RASAL2: variants seen among roughly 807,000 people sequenced by gnomAD.
RASAL2 encodes the protein RAS protein activator like 2.
RASAL2 carries 58 observed loss-of-function variants against 128.9 expected under a neutral mutation model. The observed-to-expected ratio is 0.45, with a 90% CI of 0.36 to 0.56. The LOEUF is 0.56. Ranked by LOEUF, RASAL2 falls within the 20% of genes least tolerant of loss-of-function variation. The probability of loss-of-function intolerance (pLI) is 0.00; values close to 1 mark genes in which losing one functional copy is unlikely to be tolerated. For synonymous variants in RASAL2, 561 were observed against 580.8 expected, an observed-to-expected ratio of 0.97 and a Z score of 0.49; for missense variants, 1,360 against 1,601.6, an observed-to-expected ratio of 0.85 and a Z score of 2.57.
chr1:178,431,723 G>A (rs1433096549), intron 5 of RASAL2, among the ~76,000 whole-genome samples: 1 of 151,886 alleles, frequency 6.6e-6, no homozygotes, highest in African/African-American at 2.4e-5. Context: ...GGAATACTAT[G>A]TGGTCATTAC....
intron 2 of RASAL2, among the ~76,000 whole-genome samples, chr1:178,297,451 A>T (rs1463918418): frequency 2.6e-5 from 4 of 151,524 alleles, no homozygotes; most frequent in Admixed American, 6.6e-5. Flanking sequence ...AAAATAAAAA[A>T]AAAAAATCAG....
intron 5 of RASAL2, among the ~76,000 whole-genome samples, chr1:178,438,931 G>GTGTGT (rs1553233734): frequency 2.2e-5 from 3 of 137,672 alleles, no homozygotes; most frequent in East Asian, 4.1e-4. Context: ...GTGTGTGTGT[G>GTGTGT]TTTTGCCAAA....
At chr1:178,283,797 G>C (rs1160555324) in intron 2 of RASAL2, 106 bp downstream of exon 2, 19 of 1,367,924 alleles carry the variant, frequency 1.4e-5, no homozygotes, top group Admixed American at 1.9e-5. Flanking sequence ...AAAAATAAAG[G>C]CTTGATGAAG....
At chr1:178,207,940 C>T (rs1663114814) in intron 1 of RASAL2, among the ~76,000 whole-genome samples, 1 of 152,146 alleles carries the variant, frequency 6.6e-6, no homozygotes, top group African/African-American at 2.4e-5. Context: ...TGGCTGGAGC[C>T]ACGGCAGAGG....
At chr1:178,318,622 C>CT (rs1410218376) in intron 3 of RASAL2, among the ~76,000 whole-genome samples, 1 of 150,938 alleles carries the variant, frequency 6.6e-6, no homozygotes, top group Non-Finnish European at 1.5e-5. Flanking sequence ...CAACCCCTGT[C>CT]TTTTTTTGTT....
rs191533846 is a variant in RASAL2, at chr1:178,160,397, G to A, written c.202+65703G>A. ...CCCCTGTAATTCCAGAACTTCGGGAGGCCGAGATGGGTGGATCACCTGAGG... is the reference window on the plus strand; with the variant it reads ...CCCCTGTAATTCCAGAACTTCGGGAAGCCGAGATGGGTGGATCACCTGAGG... On this transcript the variant is annotated intron_variant, in intron 1 of 17. Coordinates refer to ENST00000367649, the MANE Select transcript of RASAL2 (RefSeq NM_170692.4). 1.4e-3 allele frequency among the ~76,000 whole-genome samples: 213 copies of A among 152,338 alleles called. 2 individuals are homozygous for A. Among genetic ancestry groups the A allele is most frequent in the African/African-American group, 4.8e-3 (201 of 41,582 alleles).
At chr1:178,386,027 T>C (rs1414573879) in intron 3 of RASAL2, among the ~76,000 whole-genome samples, 4 of 152,162 alleles carry the variant, frequency 2.6e-5, no homozygotes, top group African/African-American at 9.7e-5. Context: ...TCCTCTCAAA[T>C]ACATGATAGG....
intron 5 of RASAL2, among the ~76,000 whole-genome samples, chr1:178,434,886 G>A (rs1451400739): frequency 3.9e-5 from 6 of 152,094 alleles, no homozygotes; most frequent in Non-Finnish European, 7.4e-5. Context: ...CAGGGAGCAA[G>A]TAAAGCTACA....
chr1:178,452,905 G>C (rs1677486166), intron 11 of RASAL2, among the ~76,000 whole-genome samples: 1 of 152,002 alleles, frequency 6.6e-6, no homozygotes, highest in South Asian at 2.1e-4. Context: ...ATAATATAGA[G>C]CATGAAGATA....
In RASAL2 at chr1:178,470,804, T is replaced by C. The variant is rs997389532; in HGVS notation, c.3679-2271T>C. 144 of 1,123,054 alleles carry C rather than the reference T, an allele frequency of 1.3e-4. 1 individual carries two copies. Among genetic ancestry groups the C allele is most frequent in the East Asian group, 6.2e-4 (11 of 17,826 alleles). The allele number at this position is 1,123,054 out of a possible 1,614,324, so 69.6% of individuals were successfully genotyped here. ...GCACTGGCCTCCTACACATTCCAGC[T>C]CCTGCCACTCCCCACATGGGAATCC... On this transcript the variant is annotated intron_variant, in intron 17 of 17. Coordinates refer to ENST00000367649, the MANE Select transcript of RASAL2 (RefSeq NM_170692.4).
At chr1:178,142,231 C>T (rs1660560341) in intron 1 of RASAL2, among the ~76,000 whole-genome samples, 1 of 152,080 alleles carries the variant, frequency 6.6e-6, no homozygotes. Context: ...TCCAAGACTC[C>T]ACTCCAGCCA....
chr1:178,165,071 A>G (rs1661475074), intron 1 of RASAL2, among the ~76,000 whole-genome samples: 1 of 152,170 alleles, frequency 6.6e-6, no homozygotes, highest in South Asian at 2.1e-4. Flanking sequence ...TGTAGGCTAT[A>G]TGCTAATACT....
chr1:178,219,555 C>T (rs759576080), intron 1 of RASAL2, among the ~76,000 whole-genome samples: 1 of 149,568 alleles, frequency 6.7e-6, no homozygotes, highest in Non-Finnish European at 1.5e-5. Context: ...GTGGGAGCAT[C>T]GTTGGTCAAG....
At chr1:178,319,961 G>C (rs1370510902) in intron 3 of RASAL2, among the ~76,000 whole-genome samples, 1 of 152,158 alleles carries the variant, frequency 6.6e-6, no homozygotes, top group Admixed American at 6.5e-5. Flanking sequence ...GTGATGTACA[G>C]ATGGGTTTTC....
At chr1:178,304,158 G>A (rs1557888942) in intron 3 of RASAL2, among the ~76,000 whole-genome samples, 1 of 152,186 alleles carries the variant, frequency 6.6e-6, no homozygotes, top group Non-Finnish European at 1.5e-5. Flanking sequence ...AAAGTACACA[G>A]TAGGGAGGAT....
At chr1:178,128,802 C>A (rs796312004) in intron 1 of RASAL2, among the ~76,000 whole-genome samples, 11 of 152,184 alleles carry the variant, frequency 7.2e-5, no homozygotes, top group African/African-American at 2.6e-4. Context: ...CTCTTTGTGA[C>A]TGGGTTCTTT....
rs868323495 is a variant in RASAL2 at position 178,128,631 on chromosome 1, C to T, written c.202+33937C>T. 1.9e-4 allele frequency among the ~76,000 whole-genome samples: 29 copies of T among 152,220 alleles called. No individual in the cohort carries two copies. In the Middle Eastern group the frequency reaches 0.01, roughly 54 times the overall value. ...TTATAAAGTCGTATAACCATCACTT[C>T]AATCCAGTTTTAGAACATTTCCATT... On this transcript the variant is annotated intron_variant, in intron 1 of 17. Coordinates refer to ENST00000367649, the MANE Select transcript of RASAL2 (RefSeq NM_170692.4).
At chr1:178,362,637 C>G (rs935740943) in intron 3 of RASAL2, among the ~76,000 whole-genome samples, 11 of 151,990 alleles carry the variant, frequency 7.2e-5, no homozygotes, top group African/African-American at 2.7e-4. Flanking sequence ...CTAATTCTTC[C>G]CATTTTCTCT....
chr1:178,180,754 C>A (rs1484206481), intron 1 of RASAL2, among the ~76,000 whole-genome samples: 2 of 149,556 alleles, frequency 1.3e-5, no homozygotes, highest in East Asian at 4.1e-4. Flanking sequence ...ATTAGCCTCT[C>A]AGCTAGTAGT....
Sources: gnomAD v4.1 joint callset for allele counts (sites outside exome capture counted in the v4.1 genomes callset) on GRCh38, gnomAD v4.1.1 for gene constraint, MANE v1.5 for transcripts, NCBI Gene and HGNC (gene_info 2026-07-23, HGNC 2026-07-21) for gene names.